SLC35F4: variants seen among roughly 807,000 people sequenced by gnomAD.
SLC35F4 encodes the protein solute carrier family 35 member F4, also known as chromosome 14 open reading frame 36.
A neutral mutation model predicts 44.2 loss-of-function variants in SLC35F4; 24 were observed. The ratio of observed to expected loss-of-function variants is 0.54; its 90% confidence interval spans 0.39 to 0.76. The LOEUF (loss-of-function observed/expected upper bound fraction) is 0.76, where lower values mean the gene tolerates loss of function less well. Among genes scored for constraint, SLC35F4 ranks in the 30% least tolerant of loss-of-function variants. The pLI is 0.00. For missense variants in SLC35F4, 562 were observed against 586.1 expected (o/e 0.96, Z 0.42); for synonymous variants, 238 against 223.6 (o/e 1.06, Z -0.57).
intron 1 of SLC35F4, 51 bp from the exon 2 acceptor site, chr14:57,594,175 A>G (rs2139928296): frequency 2.0e-6 from 3 of 1,495,426 alleles, no homozygotes; most frequent in Middle Eastern, 1.8e-4. Flanking sequence ...ACAAATTGGA[A>G]GTAGATTTTA....
intron 1 of SLC35F4, among the ~76,000 whole-genome samples, chr14:57,711,977 G>A (rs1229674093): frequency 6.6e-6 from 1 of 152,168 alleles, no homozygotes; most frequent in African/African-American, 2.4e-5. Flanking sequence ...TTTTAAGTAA[G>A]AATCCAGGTT....
chr14:57,824,698 G>T (rs554687144), intron 1 of SLC35F4, among the ~76,000 whole-genome samples: 1 of 152,240 alleles, frequency 6.6e-6, no homozygotes, highest in East Asian at 1.9e-4. Flanking sequence ...CTATTGCAAA[G>T]GTTCTGAACT....
At chr14:57,806,107 T>G (rs1040660718) in intron 1 of SLC35F4, among the ~76,000 whole-genome samples, 1 of 152,210 alleles carries the variant, frequency 6.6e-6, no homozygotes, top group Non-Finnish European at 1.5e-5. Flanking sequence ...TTATAAAATG[T>G]AGTTTTCCAT....
rs779536864 is a variant in SLC35F4 at position 57,594,136 on chromosome 14, G to C, written c.104-12C>G. The stretch of plus-strand genomic sequence containing the variant: ...TGATCTGGAGGTACCTGGAAAGACA[G>C]AGTTCACGCCAGTTTGAGAACTGCC... On this transcript the variant is annotated splice_polypyrimidine_tract_variant and intron_variant, in intron 1 of 7. Coordinates refer to ENST00000556826, the MANE Select transcript of SLC35F4 (RefSeq NM_001306087.2). 3.5e-5 allele frequency: 53 copies of C among 1,525,632 alleles called. 2 individuals carry two copies. The South Asian group carries it at 6.4e-4, about 18-fold the overall frequency. The allele number at this position is 1,525,632 out of a possible 1,614,324, so 94.5% of individuals were successfully genotyped here. A position where few individuals can be genotyped will look rare whatever the true frequency, so the allele number is the denominator to read the frequency against.
Position 57,564,218 on chromosome 14 carries a change from G to T in SLC35F4, c.1375C>A (p.His459Asn). 6.2e-7 allele frequency: 1 copy of T among 1,613,560 alleles called. No homozygotes were observed. Among genetic ancestry groups the T allele is most frequent in the South Asian group, 1.1e-5 (1 of 90,984 alleles). The change falls in exon 8 of 8, where the codon CAT (histidine) becomes AAT (asparagine). Residue 459 changes from histidine to asparagine, a missense_variant. By Grantham distance (68) the His-to-Asn change is moderately conservative. Coordinates refer to ENST00000556826, the MANE Select transcript of SLC35F4 (RefSeq NM_001306087.2). ...CTGGGATCAGTCACATCATCCACAT[G>T]CTCCTCACTCTTCTTTTCCTTCAGG... ...NSLKEKKSEE[H>N]VDDVTDPSIH...
At chr14:57,834,417 T>C (rs1296665292) in intron 1 of SLC35F4, among the ~76,000 whole-genome samples, 1 of 152,214 alleles carries the variant, frequency 6.6e-6, no homozygotes, top group Non-Finnish European at 1.5e-5. Context: ...GTGCAAATAG[T>C]GTAAAATCTT....
chr14:57,929,144 T>C (rs1889641641), intron 1 of SLC35F4, among the ~76,000 whole-genome samples: 1 of 152,202 alleles, frequency 6.6e-6, no homozygotes, highest in African/African-American at 2.4e-5. Context: ...GATATGGTAA[T>C]CAGAGTTCTG....
intron 1 of SLC35F4, among the ~76,000 whole-genome samples, chr14:57,627,809 C>CT (rs777826798): frequency 2.0e-5 from 3 of 151,676 alleles, no homozygotes; most frequent in Admixed American, 6.6e-5. Context: ...TAATTCCTTC[C>CT]TTTTTTTTAA....
intron 1 of SLC35F4, among the ~76,000 whole-genome samples, chr14:57,891,107 T>C (rs889385215): frequency 2.6e-5 from 4 of 152,190 alleles, no homozygotes; most frequent in African/African-American, 9.7e-5. Context: ...AGATTATGGA[T>C]TTCTTTGATG....
chr14:57,740,017 G>A (rs1017594139), intron 1 of SLC35F4, among the ~76,000 whole-genome samples: 48 of 152,192 alleles, frequency 3.2e-4, no homozygotes, highest in African/African-American at 1.0e-3. Context: ...GGACCACCAT[G>A]ACTGGATAAT....
At chr14:57,801,745 A>T (rs541341784) in intron 1 of SLC35F4, among the ~76,000 whole-genome samples, 137 of 152,222 alleles carry the variant, frequency 9.0e-4, no homozygotes, top group Non-Finnish European at 1.5e-3. Flanking sequence ...GAAGGAAATT[A>T]CATAAAGGTA....
chr14:57,893,980 C>T (rs1290528463), intron 1 of SLC35F4, among the ~76,000 whole-genome samples: 1 of 152,098 alleles, frequency 6.6e-6, no homozygotes, highest in Non-Finnish European at 1.5e-5. Context: ...TAACTGAACA[C>T]TACATCTTAT....
intron 1 of SLC35F4, among the ~76,000 whole-genome samples, chr14:57,698,650 T>A (rs1026300758): frequency 2.0e-5 from 3 of 151,790 alleles, no homozygotes; most frequent in Non-Finnish European, 4.4e-5. Flanking sequence ...CACTTTTTTT[T>A]TTTTTTCAAT....
At chr14:57,704,202 G>C (rs1371018914) in intron 1 of SLC35F4, among the ~76,000 whole-genome samples, 2 of 152,128 alleles carry the variant, frequency 1.3e-5, no homozygotes, top group African/African-American at 4.8e-5. Context: ...ACTCCAAAGG[G>C]GTTGGAAGCA....
intron 1 of SLC35F4, among the ~76,000 whole-genome samples, chr14:57,934,978 A>G (rs1279825829): frequency 6.6e-6 from 1 of 152,096 alleles, no homozygotes; most frequent in Non-Finnish European, 1.5e-5. Flanking sequence ...TGAATTACCA[A>G]CCCCAAACTT....
chr14:57,702,276 A>G (rs1200205384), intron 1 of SLC35F4, among the ~76,000 whole-genome samples: 1 of 150,438 alleles, frequency 6.6e-6, no homozygotes, highest in South Asian at 2.1e-4. Flanking sequence ...ACAGTTTACT[A>G]TGGCACACAT....
At chr14:57,634,982 C>T (rs180877162) in intron 1 of SLC35F4, among the ~76,000 whole-genome samples, 130 of 152,134 alleles carry the variant, frequency 8.5e-4, no homozygotes, top group Non-Finnish European at 6.5e-4. Context: ...CCCCCTTGGC[C>T]GGTTGCGGCT....
intron 1 of SLC35F4, among the ~76,000 whole-genome samples, chr14:57,905,062 G>A (rs565680091): frequency 1.1e-4 from 16 of 152,296 alleles, no homozygotes; most frequent in South Asian, 2.1e-4. Flanking sequence ...AAATTTGGGC[G>A]TGTCTTTGGC....
chr14:57,862,024 A>T (rs748159199), intron 1 of SLC35F4, among the ~76,000 whole-genome samples: 4 of 152,084 alleles, frequency 2.6e-5, no homozygotes, highest in Admixed American at 2.0e-4. Context: ...TACATCTCCA[A>T]TTACATTTAG....
Sources: gnomAD v4.1 joint callset for allele counts (sites outside exome capture counted in the v4.1 genomes callset) on GRCh38, gnomAD v4.1.1 for gene constraint, MANE v1.5 for transcripts, NCBI Gene and HGNC (gene_info 2026-07-23, HGNC 2026-07-21) for gene names.